SNX29: variants seen among roughly 807,000 people sequenced by gnomAD.
SNX29 encodes the protein sorting nexin-29.
SNX29 carries 78 observed loss-of-function variants against 102.1 expected under a neutral mutation model. The observed-to-expected ratio is 0.76, with a 90% CI of 0.64 to 0.92. SNX29 has a LOEUF of 0.92. SNX29 is among the 40% of genes least tolerant of loss of function. The pLI, the probability that SNX29 is intolerant of heterozygous loss-of-function variation, is 0.00. For missense variants in SNX29, 1,280 were observed against 1,061.7 expected (o/e 1.21, Z -2.86); for synonymous variants, 580 against 414.5 (o/e 1.40, Z -4.85).
intron 13 of SNX29, among the ~76,000 whole-genome samples, chr16:12,191,302 T>A (rs1446586146): frequency 6.6e-6 from 1 of 152,128 alleles, no homozygotes; most frequent in Non-Finnish European, 1.5e-5. Flanking sequence ...ACAGCCACGG[T>A]GATGGATGAC....
chr16:12,171,637 G>GC (rs2076151978), intron 13 of SNX29, among the ~76,000 whole-genome samples: 1 of 152,222 alleles, frequency 6.6e-6, no homozygotes. Flanking sequence ...GGGAACCTTG[G>GC]CAAGTGCCAA....
intron 4 of SNX29, among the ~76,000 whole-genome samples, chr16:12,040,295 T>C (rs1316723743): frequency 1.3e-5 from 2 of 152,140 alleles, no homozygotes; most frequent in Non-Finnish European, 2.9e-5. Flanking sequence ...GGAGGATCAC[T>C]TGAGCCCAGG....
chr16:12,542,329 G>A (rs567606411), intron 20 of SNX29, among the ~76,000 whole-genome samples: 5 of 152,204 alleles, frequency 3.3e-5, no homozygotes, highest in Non-Finnish European at 4.4e-5. Context: ...GCTGCTGTTA[G>A]AGCAAGAGAT....
intron 10 of SNX29, among the ~76,000 whole-genome samples, chr16:12,069,338 T>C (rs1161787902): frequency 1.3e-5 from 2 of 152,170 alleles, no homozygotes; most frequent in Non-Finnish European, 2.9e-5. Context: ...CAGTCTCGGC[T>C]CACTGCAAAC....
At chr16:12,556,936 T>A (rs1283340217) in intron 20 of SNX29, among the ~76,000 whole-genome samples, 4 of 34,808 alleles carry the variant, frequency 1.1e-4, no homozygotes, top group African/African-American at 5.6e-4. Flanking sequence ...CACTACAGCC[T>A]CTGCCGCTCA....
intron 18 of SNX29, among the ~76,000 whole-genome samples, chr16:12,437,800 G>A (rs925470816): frequency 6.6e-6 from 1 of 152,030 alleles, no homozygotes; most frequent in Non-Finnish European, 1.5e-5. Flanking sequence ...TGTCTTTTTC[G>A]GCTGCACCAT....
At chr16:12,383,254 T>C (rs1004579268) in intron 16 of SNX29, among the ~76,000 whole-genome samples, 25 of 152,262 alleles carry the variant, frequency 1.6e-4, no homozygotes, top group Non-Finnish European at 4.4e-5. Flanking sequence ...ATGCAATCTT[T>C]ACATACAGGG....
chr16:12,376,757 AAG>A (rs1209300121), intron 16 of SNX29, among the ~76,000 whole-genome samples: 2,108 of 148,928 alleles, frequency 0.014, 28 homozygotes, highest in East Asian at 0.067. Context: ...AAAAAAAAAA[AAG>A]AACAATTCTA....
intron 18 of SNX29, among the ~76,000 whole-genome samples, chr16:12,432,978 A>G (rs970393665): frequency 6.6e-6 from 1 of 152,176 alleles, no homozygotes; most frequent in South Asian, 2.1e-4. Flanking sequence ...GGGCCATGGC[A>G]TGGGGGTGAG....
chr16:12,126,116 C>T (rs1242594342), intron 11 of SNX29, among the ~76,000 whole-genome samples: 1 of 152,052 alleles, frequency 6.6e-6, no homozygotes, highest in African/African-American at 2.4e-5. Flanking sequence ...TCAGTAAATC[C>T]CCTAACTCTT....
At chr16:12,368,017 C>T (rs757799439) in intron 16 of SNX29, among the ~76,000 whole-genome samples, 2 of 152,232 alleles carry the variant, frequency 1.3e-5, no homozygotes, top group African/African-American at 2.4e-5. Context: ...TGGCCAAATA[C>T]CCCAAGTGAT....
chr16:12,234,515 T>C (rs779382707), intron 14 of SNX29, among the ~76,000 whole-genome samples: 134 of 152,208 alleles, frequency 8.8e-4, no homozygotes, highest in Middle Eastern at 3.2e-3. Context: ...TCTGCAAGTT[T>C]CTTTTCATTT....
At chr16:12,204,278 C>T (rs952104995) in intron 14 of SNX29, among the ~76,000 whole-genome samples, 2 of 152,200 alleles carry the variant, frequency 1.3e-5, no homozygotes, top group Non-Finnish European at 2.9e-5. Context: ...TCCCCTGCTC[C>T]TGTTATCAAG....
chr16:12,341,446 G>T (rs1209154520), intron 15 of SNX29, among the ~76,000 whole-genome samples: 1 of 152,204 alleles, frequency 6.6e-6, no homozygotes, highest in Non-Finnish European at 1.5e-5. Context: ...AAGATACAGG[G>T]TTGTCAAGTT....
intron 14 of SNX29, among the ~76,000 whole-genome samples, chr16:12,270,564 G>C (rs1243861670): frequency 6.6e-6 from 1 of 152,192 alleles, no homozygotes; most frequent in African/African-American, 2.4e-5. Flanking sequence ...GCAGTTGAGA[G>C]ATGGGAGATG....
intron 19 of SNX29, among the ~76,000 whole-genome samples, chr16:12,512,369 A>ATATATATATATATATATATATAT (rs2089660367): frequency 6.8e-5 from 3 of 43,962 alleles, no homozygotes; most frequent in Non-Finnish European, 1.3e-4. Flanking sequence ...GCCCAGGGAA[A>ATATATATATATATATATATATAT]ATATATATAT....
intron 20 of SNX29, among the ~76,000 whole-genome samples, chr16:12,525,955 C>G (rs2076771391): frequency 1.3e-5 from 2 of 152,154 alleles, no homozygotes; most frequent in African/African-American, 4.8e-5. Flanking sequence ...CCTGGGAATG[C>G]TGACATTTAC....
intron 1 of SNX29, among the ~76,000 whole-genome samples, chr16:11,984,132 C>G (rs571177620): frequency 9.9e-5 from 15 of 152,176 alleles, no homozygotes; most frequent in Non-Finnish European, 2.1e-4. Flanking sequence ...GTGGGAGGAT[C>G]GCTTGAGCCC....
chr16:12,232,063 CT>C (rs1343079388), intron 14 of SNX29, among the ~76,000 whole-genome samples: 1 of 152,130 alleles, frequency 6.6e-6, no homozygotes, highest in Non-Finnish European at 1.5e-5. Flanking sequence ...TTGTCCTGCC[CT>C]TCTGGTTGTG....
Sources: gnomAD v4.1 joint callset for allele counts (sites outside exome capture counted in the v4.1 genomes callset) on GRCh38, gnomAD v4.1.1 for gene constraint, MANE v1.5 for transcripts, NCBI Gene and HGNC (gene_info 2026-07-23, HGNC 2026-07-21) for gene names.